AGPAT3: variants seen among roughly 807,000 people sequenced by gnomAD.
AGPAT3 encodes the protein 1-acylglycerol-3-phosphate O-acyltransferase 3, also known as 1-acyl-sn-glycerol-3-phosphate acyltransferase gamma.
Under a neutral mutation model 47.3 loss-of-function variants are expected in AGPAT3, and 5 were observed. That is an observed-to-expected ratio of 0.11 (90% CI 0.06 to 0.22). The LOEUF is 0.22. Ranked by LOEUF, AGPAT3 falls within the 10% of genes least tolerant of loss-of-function variation. The pLI is 1.00. For synonymous variants in AGPAT3, 212 were observed against 208.3 expected, an observed-to-expected ratio of 1.02 and a Z score of -0.15; for missense variants, 315 against 493.0, an observed-to-expected ratio of 0.64 and a Z score of 3.42.
chr21:43,961,137 T>C (rs1242087678), intron 3 of AGPAT3, among the ~76,000 whole-genome samples: 2 of 148,138 alleles, frequency 1.4e-5, no homozygotes, highest in Non-Finnish European at 3.0e-5. Context: ...AGCAAGACTC[T>C]GTCTAAAAAA....
intron 2 of AGPAT3, among the ~76,000 whole-genome samples, chr21:43,921,391 A>C (rs1328293787): frequency 2.0e-5 from 3 of 152,138 alleles, no homozygotes; most frequent in African/African-American, 7.2e-5. Flanking sequence ...ATCAAACTCA[A>C]GGAGGGCACC....
intron 3 of AGPAT3, 186 bp from the exon 4 acceptor site, chr21:43,967,760 C>G (rs2089201660): frequency 1.6e-6 from 1 of 611,444 alleles, no homozygotes; most frequent in African/African-American, 1.9e-5. Context: ...TCTGTCTCCT[C>G]CCAACTGTTG....
chr21:43,904,806 CTGTGG>C (rs2086450014), intron 2 of AGPAT3, among the ~76,000 whole-genome samples: 22 of 152,332 alleles, frequency 1.4e-4, no homozygotes, highest in African/African-American at 4.6e-4. Context: ...CCTTCTCCCA[CTGTGG>C]CTGCTTTCTA....
intron 4 of AGPAT3, 89 bp from the exon 5 acceptor site, chr21:43,969,029 C>T (rs927425456): frequency 6.3e-6 from 9 of 1,417,542 alleles, no homozygotes; most frequent in Non-Finnish European, 8.7e-6. Context: ...CGACACCACA[C>T]AGGAGCTGGG....
In AGPAT3 at chr21:43,983,344, T is replaced by C. The variant is rs1325479914; in HGVS notation, c.*952T>C. On this transcript the variant is annotated 3_prime_UTR_variant, in exon 10 of 10. Transcript: ENST00000291572. ...CTGTTTTTTAAAGGTGGTTGGAGAC[T>C]GTTAACACTGAGCTCATTGACTTCT... The C allele has an allele frequency of 6.6e-6, 1 of 152,240 alleles. No homozygotes were observed. Among genetic ancestry groups the C allele is most frequent in the Non-Finnish European group, 1.5e-5 (1 of 68,042 alleles). The allele number at this position is 152,240 out of a possible 1,614,324, so 9.4% of individuals were successfully genotyped here. A position where few individuals can be genotyped will look rare whatever the true frequency, so the allele number is the denominator to read the frequency against.
At position 43,888,596 on chromosome 21, in the gene AGPAT3, T is replaced by G. The variant is rs375559651; in HGVS notation, c.-111-15361T>G. ...CAGGGTAGCTAGATAAATGGTAAGG[T>G]CAATCAATATTCTTATATATCAGCA... On this transcript the variant is annotated intron_variant, in intron 1 of 9. Coordinates refer to ENST00000291572, the MANE Select transcript of AGPAT3 (RefSeq NM_020132.5). 2.0e-5 allele frequency among the ~76,000 whole-genome samples: 3 copies of G among 152,194 alleles called. No individual in the cohort carries two copies. In the South Asian group the frequency reaches 6.2e-4, roughly 32 times the overall value.
At chr21:43,962,228 T>A (rs1294326138) in intron 3 of AGPAT3, among the ~76,000 whole-genome samples, 2 of 152,180 alleles carry the variant, frequency 1.3e-5, no homozygotes, top group East Asian at 3.9e-4. Flanking sequence ...GGTTTTGATC[T>A]CCTGACCTCG....
At chr21:43,953,264 C>G (rs903731877) in intron 2 of AGPAT3, among the ~76,000 whole-genome samples, 2 of 152,206 alleles carry the variant, frequency 1.3e-5, no homozygotes, top group Non-Finnish European at 2.9e-5. Flanking sequence ...TGCATCCCCG[C>G]AGCTAGGAAG....
At chr21:43,958,385 G>A (rs1288188269) in intron 2 of AGPAT3, among the ~76,000 whole-genome samples, 2 of 151,816 alleles carry the variant, frequency 1.3e-5, no homozygotes, top group Non-Finnish European at 2.9e-5. Flanking sequence ...GTATGGGGCT[G>A]TGTGCAGCAG....
chr21:43,980,275 C>CAA lies in AGPAT3; in HGVS notation c.844-699_844-698dup, dbSNP rs1223637093. Among the ~76,000 whole-genome samples, 151 of 54,378 alleles carry CAA rather than the reference C, an allele frequency of 2.8e-3. 2 individuals carry two copies. The highest frequency in any genetic ancestry group is 3.4e-3 in the Non-Finnish European group (90 of 26,696). 35.7% of individuals were successfully genotyped at this position (54,378 alleles called of 152,430 possible). ...TGGGCGACAGAGTGAGACTCCATCT[C>CAA]AAAAAAAAAAAAAAAACAAAAAAAA... is the stretch of plus-strand genomic sequence containing the variant. On this transcript the variant is annotated intron_variant, in intron 8 of 9. Transcript: ENST00000291572.
chr21:43,955,359 C>G lies in AGPAT3; in HGVS notation c.-48-4275C>G, dbSNP rs1250519804. 1 of 573,544 alleles carries G rather than the reference C, an allele frequency of 1.7e-6. No homozygotes were observed. Among genetic ancestry groups the G allele is most frequent in the African/African-American group, 2.0e-5 (1 of 49,882 alleles). 35.5% of individuals were successfully genotyped at this position (573,544 alleles called of 1,614,324 possible). On this transcript the variant is annotated intron_variant, in intron 2 of 9. Transcript: ENST00000291572. This position sits in a 1 kb window ranked among gnomAD's most constrained non-coding sequence, Gnocchi z 4.1. ...TGGGGTCACAGGCGGCTTAGCTTGTCAACACCCATAACGCTATGCACGGAC... is the reference window on the plus strand; with the variant it reads ...TGGGGTCACAGGCGGCTTAGCTTGTGAACACCCATAACGCTATGCACGGAC...
At chr21:43,959,494 T>C in intron 2 of AGPAT3, 140 bp from the exon 3 acceptor site, 1 of 700,928 alleles carries the variant, frequency 1.4e-6, no homozygotes, top group Non-Finnish European at 2.4e-6. Flanking sequence ...GTGGCACGTG[T>C]GTGGGGTTTG....
Position 43,981,081 on chromosome 21 carries a change from G to C in AGPAT3, c.936G>C (p.Leu312=), listed in dbSNP as rs561108988. 2 of 1,614,086 alleles carry C rather than the reference G, an allele frequency of 1.2e-6. No homozygotes were observed. The highest frequency in any genetic ancestry group is 1.1e-5 in the South Asian group (1 of 91,092). The change falls in exon 9 of 10, where the codon CTG becomes CTC. Residue 312 remains leucine, a synonymous_variant. Transcript: ENST00000291572. The surrounding 1 kb of genome is among the most constrained non-coding windows in gnomAD (Gnocchi z 5.3). Reference sequence around the variant, plus strand: ...GGCCGTGGACCCTCCTGAACTTCCTGTCCTGGGCCACCATTCTCCTGTCTC... The same window carrying C: ...GGCCGTGGACCCTCCTGAACTTCCTCTCCTGGGCCACCATTCTCCTGTCTC... ...ARRPWTLLNF[L]SWATILLSPL...
At position 43,932,826 on chromosome 21, in the gene AGPAT3, G is replaced by A. The variant is rs573567259; in HGVS notation, c.-48-26808G>A. 6.6e-6 allele frequency among the ~76,000 whole-genome samples: 1 copy of A among 152,088 alleles called. No individual in the cohort carries two copies. Among genetic ancestry groups the A allele is most frequent in the African/African-American group, 2.4e-5 (1 of 41,426 alleles). ...CCACCATGCCGGGCTAATTTTGTAT[G>A]TTTAGTAGAGATGGGGTTTCACCAT... On this transcript the variant is annotated intron_variant, in intron 2 of 9. Coordinates refer to ENST00000291572, the MANE Select transcript of AGPAT3 (RefSeq NM_020132.5). This position sits in a 1 kb window ranked among gnomAD's most constrained non-coding sequence, Gnocchi z 5.2.
intron 1 of AGPAT3, among the ~76,000 whole-genome samples, chr21:43,903,131 T>G (rs1048420923): frequency 3.3e-5 from 5 of 152,210 alleles, no homozygotes; most frequent in Non-Finnish European, 7.3e-5. Flanking sequence ...TTTGAGGACA[T>G]TATACTGAGT....
intron 4 of AGPAT3, among the ~76,000 whole-genome samples, chr21:43,968,566 C>CT (rs2089254682): frequency 6.6e-6 from 1 of 151,898 alleles, no homozygotes; most frequent in Non-Finnish European, 1.5e-5. Flanking sequence ...GGGGAGGCCC[C>CT]TGGGGTCCGA....
chr21:43,915,171 C>A (rs534884163), intron 2 of AGPAT3, among the ~76,000 whole-genome samples: 40 of 152,080 alleles, frequency 2.6e-4, no homozygotes, highest in Admixed American at 1.4e-3. Flanking sequence ...CCTGCCTCAG[C>A]CTCCCGAGTA....
rs572146154 is a variant in AGPAT3 at position 43,936,434 on chromosome 21, G to A, written c.-48-23200G>A. Among the ~76,000 whole-genome samples, 6 of 152,356 alleles carry A rather than the reference G, an allele frequency of 3.9e-5. No individual in the cohort carries two copies. The South Asian group carries it at 1.0e-3, about 26-fold the overall frequency. ...GTGGGGCCAGTGCCTCTGCCCTCCT[G>A]GCACACGGCCACAGTGCCTCCCTCC... On this transcript the variant is annotated intron_variant, in intron 2 of 9. Transcript: ENST00000291572.
At chr21:43,881,456 A>G (rs1362302322) in intron 1 of AGPAT3, among the ~76,000 whole-genome samples, 1 of 152,220 alleles carries the variant, frequency 6.6e-6, no homozygotes, top group Non-Finnish European at 1.5e-5. Context: ...TGTCTGGGGC[A>G]GACGGCATGA....
Sources: gnomAD v4.1 joint callset for allele counts (sites outside exome capture counted in the v4.1 genomes callset) on GRCh38, gnomAD v4.1.1 for gene constraint, Gnocchi (gnomAD v3.1) non-coding constraint, MANE v1.5 for transcripts, NCBI Gene and HGNC (gene_info 2026-07-23, HGNC 2026-07-21) for gene names.